Variants in RBFOX1 observed in about 807,000 individuals in gnomAD.
RBFOX1 encodes the protein RNA binding fox-1 homolog 1.
RBFOX1 carries 8 observed loss-of-function variants against 57.7 expected under a neutral mutation model. The observed-to-expected ratio is 0.14, with a 90% CI of 0.08 to 0.25. RBFOX1 has a LOEUF of 0.25. RBFOX1 is among the 10% of genes least tolerant of loss of function. The pLI, the probability that RBFOX1 is intolerant of heterozygous loss-of-function variation, is 1.00. For synonymous variants in RBFOX1, 326 were observed against 222.4 expected, an observed-to-expected ratio of 1.47 and a Z score of -4.15; for missense variants, 611 against 548.5, an observed-to-expected ratio of 1.11 and a Z score of -1.14.
intron 3 of RBFOX1, among the ~76,000 whole-genome samples, chr16:6,889,186 G>A (rs981492330): frequency 2.0e-5 from 3 of 152,294 alleles, no homozygotes; most frequent in Admixed American, 6.5e-5. Flanking sequence ...AAAATACTGA[G>A]TTCATTGTGA....
At chr16:7,000,347 C>T (rs977939248) in intron 3 of RBFOX1, among the ~76,000 whole-genome samples, 1 of 151,982 alleles carries the variant, frequency 6.6e-6, no homozygotes, top group Non-Finnish European at 1.5e-5. Context: ...GTCGATACAT[C>T]TCTCAAGTTT....
chr16:6,312,763 C>G (rs1273867595), intron 1 of RBFOX1, among the ~76,000 whole-genome samples: 1 of 151,328 alleles, frequency 6.6e-6, no homozygotes, highest in African/African-American at 2.4e-5. Context: ...TCCCTCCGTC[C>G]CTCCCTGTTT....
intron 4 of RBFOX1, among the ~76,000 whole-genome samples, chr16:5,971,850 T>C (rs541830988): frequency 3.9e-5 from 6 of 152,332 alleles, no homozygotes; most frequent in African/African-American, 1.4e-4. Flanking sequence ...TTGGATGAGA[T>C]TAACATTTAT....
intron 3 of RBFOX1, among the ~76,000 whole-genome samples, chr16:6,756,101 G>C (rs1241337386): frequency 6.6e-6 from 1 of 151,900 alleles, no homozygotes; most frequent in Non-Finnish European, 1.5e-5. Context: ...AGTTTTATTT[G>C]GTCATTCATA....
At chr16:7,669,812 T>A (rs575890982) in intron 13 of RBFOX1, among the ~76,000 whole-genome samples, 1 of 152,342 alleles carries the variant, frequency 6.6e-6, no homozygotes, top group East Asian at 1.9e-4. Flanking sequence ...CTAGTCTTTC[T>A]TCCTGAGACC....
intron 3 of RBFOX1, among the ~76,000 whole-genome samples, chr16:7,044,672 T>C (rs1442686244): frequency 6.6e-6 from 1 of 151,796 alleles, no homozygotes; most frequent in Non-Finnish European, 1.5e-5. Context: ...CCATAAAATA[T>C]ATTGGTTTTG....
intron 3 of RBFOX1, among the ~76,000 whole-genome samples, chr16:5,849,627 G>C (rs997033256): frequency 6.6e-6 from 1 of 152,256 alleles, no homozygotes; most frequent in Middle Eastern, 3.4e-3. Context: ...CAGGAAATCT[G>C]GAAGTGCCGA....
intron 3 of RBFOX1, among the ~76,000 whole-genome samples, chr16:6,820,271 A>T (rs2091036902): frequency 6.6e-6 from 1 of 152,174 alleles, no homozygotes; most frequent in South Asian, 2.1e-4. Flanking sequence ...GTCCAGTCTC[A>T]GGTATTTCTT....
At chr16:6,159,311 A>T (rs910983066) in intron 1 of RBFOX1, among the ~76,000 whole-genome samples, 1 of 152,266 alleles carries the variant, frequency 6.6e-6, no homozygotes, top group Non-Finnish European at 1.5e-5. Flanking sequence ...TCCTGACCTC[A>T]GGTGATCTGC....
intron 1 of RBFOX1, among the ~76,000 whole-genome samples, chr16:6,187,066 T>G (rs939746636): frequency 6.6e-6 from 1 of 152,168 alleles, no homozygotes; most frequent in African/African-American, 2.4e-5. Context: ...TGAGCATCAG[T>G]TATCATGGAC....
At chr16:5,803,425 A>G (rs2055122512) in intron 3 of RBFOX1, among the ~76,000 whole-genome samples, 1 of 152,168 alleles carries the variant, frequency 6.6e-6, no homozygotes, top group Admixed American at 6.5e-5. Flanking sequence ...CACTGACCAG[A>G]TCCGGGATCT....
At chr16:6,976,852 A>G (rs996172292) in intron 3 of RBFOX1, among the ~76,000 whole-genome samples, 1 of 82,188 alleles carries the variant, frequency 1.2e-5, no homozygotes, top group Non-Finnish European at 2.2e-5. Flanking sequence ...TATGATGTAT[A>G]TCACATATAT....
chr16:6,020,611 C>T (rs1387940531), intron 1 of RBFOX1, among the ~76,000 whole-genome samples: 1 of 152,150 alleles, frequency 6.6e-6, no homozygotes, highest in Non-Finnish European at 1.5e-5. Flanking sequence ...CTACTGTGCC[C>T]CTGGTTCCTG....
chr16:6,548,041 A>C (rs761728969), intron 2 of RBFOX1, among the ~76,000 whole-genome samples: 22 of 152,186 alleles, frequency 1.4e-4, no homozygotes, highest in African/African-American at 1.9e-4. Flanking sequence ...AGCTCAGACT[A>C]TTCATCGTAG....
intron 3 of RBFOX1, among the ~76,000 whole-genome samples, chr16:6,885,598 C>G (rs1171083440): frequency 6.6e-6 from 1 of 151,848 alleles, no homozygotes; most frequent in Non-Finnish European, 1.5e-5. Flanking sequence ...ATGGCACAGT[C>G]TCGGCTCACT....
At chr16:7,081,158 C>T (rs2059135906) in intron 4 of RBFOX1, among the ~76,000 whole-genome samples, 2 of 152,286 alleles carry the variant, frequency 1.3e-5, no homozygotes, top group Middle Eastern at 3.4e-3. Flanking sequence ...CCTCAGCCTC[C>T]CAAGTAGCTG....
intron 4 of RBFOX1, among the ~76,000 whole-genome samples, chr16:7,295,337 G>C (rs1175646446): frequency 6.6e-6 from 1 of 152,072 alleles, no homozygotes; most frequent in Non-Finnish European, 1.5e-5. Context: ...GACTTTGTTG[G>C]TCTCGTTTGT....
chr16:5,454,037 G>C (rs12923313), intron 1 of RBFOX1, among the ~76,000 whole-genome samples: 58,324 of 151,788 alleles, frequency 0.38, 11,993 homozygotes, highest in East Asian at 0.57. Context: ...GAGGGAAAAG[G>C]AGAGTCATAG....
chr16:6,435,925 G>A (rs573427610), intron 2 of RBFOX1, among the ~76,000 whole-genome samples: 114 of 152,168 alleles, frequency 7.5e-4, no homozygotes, highest in African/African-American at 2.6e-3. Context: ...CTGTTGCATC[G>A]TTTTCCCACC....
Sources: allele counts gnomAD v4.1 joint callset (sites outside exome capture counted in the v4.1 genomes callset), GRCh38; gene constraint gnomAD v4.1.1; transcripts MANE v1.5; gene names NCBI Gene and HGNC (gene_info 2026-07-23, HGNC 2026-07-21).